Variants in SMARCA2 observed in about 807,000 individuals in gnomAD.
SMARCA2 encodes the protein SWI/SNF-related matrix-associated actin-dependent regulator of chromatin subfamily A member 2.
In SMARCA2, 61 loss-of-function variants were observed where a neutral mutation model predicts 199.8. The observed-to-expected ratio is 0.31, with a 90% CI of 0.25 to 0.38. The LOEUF is 0.38. Among genes scored for constraint, SMARCA2 ranks in the 10% least tolerant of loss-of-function variants. The pLI, the probability that SMARCA2 is intolerant of heterozygous loss-of-function variation, is 1.00. For missense variants in SMARCA2, 1,344 were observed against 2,012.2 expected, an observed-to-expected ratio of 0.67 and a Z score of 6.35; for synonymous variants, 935 against 732.0, an observed-to-expected ratio of 1.28 and a Z score of -4.48.
intron 14 of SMARCA2, chr9:2,080,022 T>A (rs770352918): frequency 6.6e-6 from 1 of 152,240 alleles, no homozygotes; most frequent in Non-Finnish European, 1.5e-5. Context: ...GCCTTCTTCC[T>A]GGAATCTTGA....
intron 27 of SMARCA2, among the ~76,000 whole-genome samples, chr9:2,129,945 C>T (rs1823866857): frequency 6.6e-6 from 1 of 152,090 alleles, no homozygotes; most frequent in African/African-American, 2.4e-5. Context: ...CCTTGACCTC[C>T]CAGACTCAAG....
At position 2,056,278 on chromosome 9, in the gene SMARCA2, A is replaced by T. The variant is rs1412376785; in HGVS notation, c.1174-394A>T. ...CTTTTTTTGGAGCATCATTAAAATT[A>T]ATCTTTAAACACAAAGAGAATGTTA... is the stretch of plus-strand genomic sequence containing the variant. On this transcript the variant is annotated intron_variant, in intron 6 of 33. Transcript: ENST00000349721. This position sits in a 1 kb window ranked among gnomAD's most constrained non-coding sequence, Gnocchi z 4.0. Among the ~76,000 whole-genome samples the T allele has an allele frequency of 1.3e-5, 2 of 152,234 alleles. No individual in the cohort carries two copies. Among genetic ancestry groups the T allele is most frequent in the East Asian group, 1.9e-4 (1 of 5,204 alleles).
At chr9:2,109,198 GAAT>G (rs1316480704) in intron 23 of SMARCA2, among the ~76,000 whole-genome samples, 3 of 152,132 alleles carry the variant, frequency 2.0e-5, no homozygotes. Context: ...CAGCATGTAG[GAAT>G]AATATTTGAA....
chr9:2,068,965 G>A (rs934744519), intron 9 of SMARCA2: 12 of 151,408 alleles, frequency 7.9e-5, no homozygotes, highest in Non-Finnish European at 1.5e-4. Flanking sequence ...CACCCAGGCT[G>A]GAGTGCACTG....
chr9:2,184,216 C>G (rs2129915250), intron 31 of SMARCA2, among the ~76,000 whole-genome samples: 1 of 152,308 alleles, frequency 6.6e-6, no homozygotes, highest in East Asian at 1.9e-4. Context: ...CTATGATCAC[C>G]TGCTTCCCCA....
chr9:2,186,460 T>C lies in SMARCA2; in HGVS notation c.4594+232T>C, dbSNP rs10738600. Among the ~76,000 whole-genome samples, 103,811 of 152,108 alleles carry C rather than the reference T, an allele frequency of 0.68. 35,814 individuals are homozygous for C. Among genetic ancestry groups the C allele is most frequent in the African/African-American group, 0.76 (31,685 of 41,480 alleles). ...ATGACCTCCAAGCATGTAAAATGTT[T>C]AGCATAGGCTGGGCTCCTAGCAAAC... On this transcript the variant is annotated intron_variant, in intron 32 of 33. Coordinates refer to ENST00000349721, the MANE Select transcript of SMARCA2 (RefSeq NM_003070.5).
intron 2 of SMARCA2, among the ~76,000 whole-genome samples, chr9:2,029,907 T>G (rs1473911502): frequency 6.6e-6 from 1 of 152,250 alleles, no homozygotes; most frequent in Non-Finnish European, 1.5e-5. Flanking sequence ...TGATCATATC[T>G]GTACAACTTG....
chr9:2,022,300 A>G (rs1818640203), intron 1 of SMARCA2, among the ~76,000 whole-genome samples: 1 of 152,204 alleles, frequency 6.6e-6, no homozygotes, highest in South Asian at 2.1e-4. Context: ...GTAGCTCACA[A>G]GGTGTCTTCA....
chr9:2,019,473 C>G (rs1818510398), intron 1 of SMARCA2, among the ~76,000 whole-genome samples: 1 of 141,276 alleles, frequency 7.1e-6, no homozygotes, highest in Non-Finnish European at 1.5e-5. Flanking sequence ...GTGCTTTGAC[C>G]AACACCTGAG....
intron 27 of SMARCA2, among the ~76,000 whole-genome samples, chr9:2,157,093 C>T (rs552922941): frequency 5.3e-5 from 8 of 152,250 alleles, no homozygotes; most frequent in African/African-American, 1.4e-4. Flanking sequence ...TGCATTAAAC[C>T]GATTAAAATA....
intron 12 of SMARCA2, among the ~76,000 whole-genome samples, chr9:2,074,540 T>G (rs1055916877): frequency 6.6e-6 from 1 of 152,106 alleles, no homozygotes; most frequent in African/African-American, 2.4e-5. Flanking sequence ...GAAAGAATAA[T>G]AAAAGTTACA....
Position 2,039,787 on chromosome 9 carries a change from A to T in SMARCA2, c.677A>T (p.Gln226Leu). 1.3e-6 allele frequency: 2 copies of T among 1,572,332 alleles called. No homozygotes were observed. Among genetic ancestry groups the T allele is most frequent in the Non-Finnish European group, 1.7e-6 (2 of 1,150,528 alleles). Residue 226 changes from glutamine (Q) to leucine (L), a missense_variant, in exon 4 of 34, where the codon CAG becomes CTG. Gln to Leu is a moderately radical substitution (Grantham distance 113, BLOSUM62 -2). Coordinates refer to ENST00000349721, the MANE Select transcript of SMARCA2 (RefSeq NM_003070.5). This position sits in a 1 kb window ranked among gnomAD's most constrained non-coding sequence, Gnocchi z 4.8. ...CAACAGCAGCAGCAACAGCAGCAGC[A>T]GCAGCAGCAGCAGCAGCAGCAGCAG... is the stretch of plus-strand genomic sequence containing the variant. ...QQQQQQQQQQ[Q>L]QQQQQQQQQQ... is the part of the protein sequence containing the mutation.
chr9:2,163,030 T>C (rs1025730070), intron 28 of SMARCA2: 2 of 152,260 alleles, frequency 1.3e-5, no homozygotes, highest in Non-Finnish European at 2.9e-5. Flanking sequence ...AACTACGTTG[T>C]GTTTTTAGTT....
rs77799758 is a variant in SMARCA2, at chr9:2,022,798, T to G, written c.-36-6189T>G. 3.1e-3 allele frequency among the ~76,000 whole-genome samples: 469 copies of G among 152,330 alleles called. 5 individuals are homozygous for G. Among genetic ancestry groups the G allele is most frequent in the African/African-American group, 0.011 (450 of 41,572 alleles). ...TAGGAGAGACAGGCATATGTGTAAA[T>G]ATACGTGACATATTACCTTTCAGGG... On this transcript the variant is annotated intron_variant, in intron 1 of 33. Transcript: ENST00000349721.
chr9:2,050,932 G>A (rs955803589), intron 5 of SMARCA2, among the ~76,000 whole-genome samples: 1 of 152,196 alleles, frequency 6.6e-6, no homozygotes, highest in Admixed American at 6.5e-5. Flanking sequence ...TGAAAAACCT[G>A]TGTGACCTAA....
intron 8 of SMARCA2, among the ~76,000 whole-genome samples, chr9:2,060,501 C>G (rs1007520185): frequency 6.6e-6 from 1 of 152,184 alleles, no homozygotes; most frequent in African/African-American, 2.4e-5. Flanking sequence ...TTGTCAAATT[C>G]TAAAATCTTT....
chr9:2,171,169 A>C (rs1000738777), intron 29 of SMARCA2, among the ~76,000 whole-genome samples: 1 of 152,216 alleles, frequency 6.6e-6, no homozygotes, highest in Non-Finnish European at 1.5e-5. Context: ...ATGGATGTGC[A>C]TGATACGCCA....
At chr9:2,067,824 G>C (rs932219019) in intron 9 of SMARCA2, among the ~76,000 whole-genome samples, 1 of 152,198 alleles carries the variant, frequency 6.6e-6, no homozygotes, top group African/African-American at 2.4e-5. Context: ...TTAAGTAATG[G>C]AAGGGCCTGA....
At chr9:2,083,290 A>T in intron 15 of SMARCA2, 57 bp from the exon 16 acceptor site, 2 of 1,146,584 alleles carry the variant, frequency 1.7e-6, no homozygotes, top group Non-Finnish European at 2.5e-6. Context: ...CATCTTTTTA[A>T]CCATTGATTT....
Sources: allele counts gnomAD v4.1 joint callset (sites outside exome capture counted in the v4.1 genomes callset), GRCh38; gene constraint gnomAD v4.1.1; non-coding constraint Gnocchi (gnomAD v3.1); transcripts MANE v1.5; gene names NCBI Gene and HGNC (gene_info 2026-07-23, HGNC 2026-07-21).